DLGAP1: variants seen among roughly 807,000 people sequenced by gnomAD.
DLGAP1 encodes DLG associated protein 1.
DLGAP1 carries 11 observed loss-of-function variants against 90.8 expected under a neutral mutation model. That is an observed-to-expected ratio of 0.12 (90% CI 0.08 to 0.20). The LOEUF is 0.20. Ranked by LOEUF, DLGAP1 falls within the 10% of genes least tolerant of loss-of-function variation. The pLI is 1.00. For missense variants in DLGAP1, 1,050 were observed against 1,333.8 expected, an observed-to-expected ratio of 0.79 and a Z score of 3.31; for synonymous variants, 558 against 540.7, an observed-to-expected ratio of 1.03 and a Z score of -0.44.
At chr18:3,973,772 C>A (rs1191301801) in intron 3 of DLGAP1, among the ~76,000 whole-genome samples, 5 of 152,132 alleles carry the variant, frequency 3.3e-5, no homozygotes, top group Admixed American at 2.0e-4. Context: ...TGTTAACCAG[C>A]TGAGGGTTCA....
intron 2 of DLGAP1, among the ~76,000 whole-genome samples, chr18:4,046,302 CCAATAATAG>C (rs2075053209): frequency 6.6e-6 from 1 of 152,098 alleles, no homozygotes; most frequent in Non-Finnish European, 1.5e-5. Flanking sequence ...TGCCCAAATC[CCAATAATAG>C]CAATATTTAC....
chr18:3,925,372 C>A (rs1028756514), intron 3 of DLGAP1, among the ~76,000 whole-genome samples: 1 of 151,582 alleles, frequency 6.6e-6, no homozygotes, highest in Non-Finnish European at 1.5e-5. Flanking sequence ...TCTACCATGG[C>A]CCCTGATAGT....
At chr18:3,602,320 G>A (rs1341074120) in intron 7 of DLGAP1, among the ~76,000 whole-genome samples, 1 of 152,104 alleles carries the variant, frequency 6.6e-6, no homozygotes, top group Non-Finnish European at 1.5e-5. Flanking sequence ...TTTTGGCCGG[G>A]CGCGGTGGCT....
intron 2 of DLGAP1, among the ~76,000 whole-genome samples, chr18:4,024,111 C>A (rs1311246926): frequency 6.6e-6 from 1 of 152,178 alleles, no homozygotes; most frequent in African/African-American, 2.4e-5. Flanking sequence ...AATTCCAACT[C>A]AAACTTTGGA....
chr18:3,837,308 C>G (rs868778984), intron 4 of DLGAP1, among the ~76,000 whole-genome samples: 1 of 152,140 alleles, frequency 6.6e-6, no homozygotes, highest in South Asian at 2.1e-4. Flanking sequence ...AAAAAGGAAG[C>G]ATTTAGAAAT....
chr18:4,210,021 A>G (rs2077809634), intron 1 of DLGAP1, among the ~76,000 whole-genome samples: 1 of 152,204 alleles, frequency 6.6e-6, no homozygotes, highest in Non-Finnish European at 1.5e-5. Context: ...TTCAGCTTAA[A>G]TTATCTTTAG....
chr18:4,278,766 TTTATC>T (rs2079479575), intron 1 of DLGAP1, among the ~76,000 whole-genome samples: 1 of 51,660 alleles, frequency 1.9e-5, no homozygotes, highest in Non-Finnish European at 3.1e-5. Flanking sequence ...ACACACATAT[TTTATC>T]TAATCATCTG....
At chr18:3,887,311 G>A (rs1165077538) in intron 3 of DLGAP1, among the ~76,000 whole-genome samples, 2 of 152,202 alleles carry the variant, frequency 1.3e-5, no homozygotes, top group African/African-American at 4.8e-5. Flanking sequence ...GAGACCCTTG[G>A]TGAAGCTATG....
chr18:3,582,773 G>A (rs2055598559), intron 7 of DLGAP1, among the ~76,000 whole-genome samples: 1 of 152,094 alleles, frequency 6.6e-6, no homozygotes, highest in Admixed American at 6.5e-5. Flanking sequence ...GGGGGAGAAG[G>A]GTACACACGC....
chr18:4,215,050 A>G (rs978826697), intron 1 of DLGAP1, among the ~76,000 whole-genome samples: 1 of 152,174 alleles, frequency 6.6e-6, no homozygotes, highest in South Asian at 2.1e-4. Flanking sequence ...TTACTGTAGT[A>G]TCAAATTTGT....
intron 3 of DLGAP1, among the ~76,000 whole-genome samples, chr18:3,965,472 G>A (rs1426823031): frequency 6.6e-6 from 1 of 152,182 alleles, no homozygotes; most frequent in Non-Finnish European, 1.5e-5. Flanking sequence ...TTAAATGTAT[G>A]AATTTGTCAC....
At chr18:3,878,665 A>C (rs1209491386) in intron 4 of DLGAP1, among the ~76,000 whole-genome samples, 1 of 152,200 alleles carries the variant, frequency 6.6e-6, no homozygotes, top group Non-Finnish European at 1.5e-5. Flanking sequence ...AGCTTCAGGC[A>C]GGATTTCACA....
intron 5 of DLGAP1, among the ~76,000 whole-genome samples, chr18:3,811,305 G>T (rs1458737465): frequency 6.6e-6 from 1 of 152,188 alleles, no homozygotes; most frequent in Non-Finnish European, 1.5e-5. Context: ...GGTTGTCTAA[G>T]GTTCTCTTGT....
At chr18:3,519,673 C>A (rs2051057504) in intron 10 of DLGAP1, among the ~76,000 whole-genome samples, 2 of 152,106 alleles carry the variant, frequency 1.3e-5, no homozygotes, top group African/African-American at 4.8e-5. Flanking sequence ...AGGTTAGTGC[C>A]TTTATTAAAG....
intron 1 of DLGAP1, among the ~76,000 whole-genome samples, chr18:4,358,352 GA>G (rs34562879): frequency 0.022 from 3,338 of 152,244 alleles, 61 homozygotes; most frequent in African/African-American, 0.048. Flanking sequence ...TGTGAATAAT[GA>G]AAAATAATTA....
intron 7 of DLGAP1, among the ~76,000 whole-genome samples, chr18:3,608,507 T>A (rs867315417): frequency 9.2e-5 from 14 of 152,242 alleles, no homozygotes; most frequent in African/African-American, 3.4e-4. Flanking sequence ...TGTTTGCTTA[T>A]TGATTTGATT....
At position 4,290,805 on chromosome 18, in the gene DLGAP1, C is replaced by T. The variant is rs532798714; in HGVS notation, c.-266-139518G>A. ...GGGAAAATGAAAATTTTCTAAAAAACGTGAAAAGAAAAACCAAACCCACAT... is the reference window on the plus strand; with the variant it reads ...GGGAAAATGAAAATTTTCTAAAAAATGTGAAAAGAAAAACCAAACCCACAT... On this transcript the variant is annotated intron_variant, in intron 1 of 12. Coordinates refer to ENST00000315677, the MANE Select transcript of DLGAP1 (RefSeq NM_004746.4). Among the ~76,000 whole-genome samples the T allele has an allele frequency of 2.6e-5, 4 of 152,136 alleles. No individual in the cohort carries two copies. In the East Asian group the frequency reaches 5.8e-4, roughly 22 times the overall value.
intron 1 of DLGAP1, among the ~76,000 whole-genome samples, chr18:4,263,210 G>T (rs566141042): frequency 6.6e-6 from 1 of 152,174 alleles, no homozygotes; most frequent in Non-Finnish European, 1.5e-5. Context: ...GGGATTACAG[G>T]TGTGAGGCAC....
chr18:3,667,215 T>A (rs1365301996), intron 7 of DLGAP1, among the ~76,000 whole-genome samples: 1 of 152,006 alleles, frequency 6.6e-6, no homozygotes, highest in East Asian at 1.9e-4. Flanking sequence ...GTAGCTGAGA[T>A]TACAGACATG....
Sources: allele counts gnomAD v4.1 joint callset (sites outside exome capture counted in the v4.1 genomes callset), GRCh38; gene constraint gnomAD v4.1.1; transcripts MANE v1.5; gene names NCBI Gene and HGNC (gene_info 2026-07-23, HGNC 2026-07-21).